The following BRINP3 variants were observed in gnomAD, a reference collection of about 807,000 sequenced individuals.
The protein encoded by BRINP3 is BMP/retinoic acid inducible neural specific 3.
In BRINP3, 19 loss-of-function variants were observed where a neutral mutation model predicts 71.0. That is an observed-to-expected ratio of 0.27 (90% confidence interval 0.19 to 0.39). The LOEUF (loss-of-function observed/expected upper bound fraction) is 0.39, where lower values mean the gene tolerates loss of function less well. Ranked by LOEUF, BRINP3 falls within the 10% of genes least tolerant of loss-of-function variation. BRINP3 has a pLI of 1.00. For synonymous variants in BRINP3, 380 were observed against 337.7 expected (o/e 1.13, Z -1.37); for missense variants, 959 against 940.8 (o/e 1.02, Z -0.25).
At chr1:190,233,325 G>A (rs1658186773) in intron 5 of BRINP3, among the ~76,000 whole-genome samples, 1 of 151,818 alleles carries the variant, frequency 6.6e-6, no homozygotes, top group South Asian at 2.1e-4. Context: ...CTGAGTAGCT[G>A]GGACTGCAGG....
intron 5 of BRINP3, 124 bp from the exon 6 acceptor site, chr1:190,226,442 T>A: frequency 1.9e-6 from 1 of 528,544 alleles, no homozygotes; most frequent in Non-Finnish European, 3.2e-6. Flanking sequence ...TTATGTATTT[T>A]TAAACTATCA....
chr1:190,150,288 G>A lies in BRINP3; in HGVS notation c.1184+10380C>T, dbSNP rs140382659. Among the ~76,000 whole-genome samples, 275 of 151,714 alleles carry A rather than the reference G, an allele frequency of 1.8e-3. 9 individuals carry two copies. The East Asian group carries it at 0.045, about 25-fold the overall frequency. ...TCTATGTGTGTGTGTGTGTGTGTGTGTACATACATAGATACATATACATGT... is the reference window on the plus strand; with the variant it reads ...TCTATGTGTGTGTGTGTGTGTGTGTATACATACATAGATACATATACATGT... On this transcript the variant is annotated intron_variant, in intron 7 of 7. Transcript: ENST00000367462.
At chr1:190,301,188 T>C (rs1311362417) in intron 2 of BRINP3, among the ~76,000 whole-genome samples, 14 of 57,486 alleles carry the variant, frequency 2.4e-4, no homozygotes, top group South Asian at 7.6e-4. Flanking sequence ...TATATATATG[T>C]ATATATATAC....
At chr1:190,118,091 C>G (rs183171665) in intron 7 of BRINP3, among the ~76,000 whole-genome samples, 1 of 151,718 alleles carries the variant, frequency 6.6e-6, no homozygotes, top group Non-Finnish European at 1.5e-5. Context: ...GCTGAATCCA[C>G]TATGTTTTAG....
At chr1:190,262,725 G>A (rs992074228) in intron 4 of BRINP3, among the ~76,000 whole-genome samples, 1 of 152,102 alleles carries the variant, frequency 6.6e-6, no homozygotes, top group Non-Finnish European at 1.5e-5. Flanking sequence ...TTCCCTCTCA[G>A]AACTGCTTAG....
chr1:190,337,043 G>A (rs778952650), intron 2 of BRINP3, among the ~76,000 whole-genome samples: 1 of 151,790 alleles, frequency 6.6e-6, no homozygotes, highest in African/African-American at 2.4e-5. Flanking sequence ...CTAACCTGAG[G>A]CATCTTGGAA....
At chr1:190,433,264 A>T (rs1388872759) in intron 2 of BRINP3, among the ~76,000 whole-genome samples, 1 of 152,206 alleles carries the variant, frequency 6.6e-6, no homozygotes, top group Non-Finnish European at 1.5e-5. Flanking sequence ...TTTAAGAAGT[A>T]TACAGATCAA....
rs552738089 is a variant in BRINP3, at chr1:190,161,047, A to T, written c.962-157T>A. On this transcript the variant is annotated intron_variant, in intron 6 of 7. Transcript: ENST00000367462. ...CCTCATTTGTGAGTAGCAAATTAAT[A>T]GAAGATGGGGTTTTTAGATGCTTTA... Among the ~76,000 whole-genome samples the T allele has an allele frequency of 4.2e-3, 633 of 152,302 alleles. 2 individuals carry two copies. Among genetic ancestry groups the T allele is most frequent in the African/African-American group, 0.015 (605 of 41,582 alleles).
chr1:190,252,075 G>T (rs1660199233), intron 4 of BRINP3, among the ~76,000 whole-genome samples: 1 of 152,004 alleles, frequency 6.6e-6, no homozygotes, highest in African/African-American at 2.4e-5. Context: ...TTTGTATATA[G>T]TTTGTAAAGA....
intron 2 of BRINP3, among the ~76,000 whole-genome samples, chr1:190,402,925 C>T (rs552661739): frequency 1.3e-5 from 2 of 152,042 alleles, no homozygotes; most frequent in Non-Finnish European, 1.5e-5. Context: ...CGGTGTTTTG[C>T]TATGTTGCCC....
chr1:190,218,995 T>C (rs1231437732), intron 6 of BRINP3, among the ~76,000 whole-genome samples: 1 of 152,140 alleles, frequency 6.6e-6, no homozygotes, highest in African/African-American at 2.4e-5. Context: ...ATAATTCCTT[T>C]GGGACCAACT....
intron 7 of BRINP3, among the ~76,000 whole-genome samples, chr1:190,101,937 G>A (rs1458728062): frequency 6.6e-6 from 1 of 152,136 alleles, no homozygotes; most frequent in African/African-American, 2.4e-5. Context: ...ATTATGGAAG[G>A]AAAGCGTTTC....
At chr1:190,446,288 G>T (rs1558294055) in intron 2 of BRINP3, among the ~76,000 whole-genome samples, 1 of 151,908 alleles carries the variant, frequency 6.6e-6, no homozygotes, top group Non-Finnish European at 1.5e-5. Flanking sequence ...AATGTGTTTT[G>T]ATGATTATTT....
At chr1:190,195,094 C>T (rs1029001789) in intron 6 of BRINP3, among the ~76,000 whole-genome samples, 6 of 151,622 alleles carry the variant, frequency 4.0e-5, no homozygotes, top group African/African-American at 1.2e-4. Flanking sequence ...CCTATGATAT[C>T]GAATGCATCA....
chr1:190,117,965 T>C (rs1325273353), intron 7 of BRINP3, among the ~76,000 whole-genome samples: 1 of 152,062 alleles, frequency 6.6e-6, no homozygotes, highest in Non-Finnish European at 1.5e-5. Flanking sequence ...ATCATTTAAC[T>C]TGTTCTTACC....
At chr1:190,250,340 G>C in intron 4 of BRINP3, among the ~76,000 whole-genome samples, 1 of 151,962 alleles carries the variant, frequency 6.6e-6, no homozygotes, top group East Asian at 1.9e-4. Flanking sequence ...TCAAATTTAA[G>C]ACGGAGAAAT....
chr1:190,419,340 T>C (rs1194725710), intron 2 of BRINP3, among the ~76,000 whole-genome samples: 1 of 152,096 alleles, frequency 6.6e-6, no homozygotes, highest in Non-Finnish European at 1.5e-5. Context: ...CTTTTTATTA[T>C]TTTGGTTCTA....
chr1:190,263,092 A>C (rs1661336402), intron 4 of BRINP3, among the ~76,000 whole-genome samples: 1 of 152,198 alleles, frequency 6.6e-6, no homozygotes, highest in Non-Finnish European at 1.5e-5. Context: ...AAAAATCAAT[A>C]GCTATATAAT....
At chr1:190,142,077 T>C (rs922502024) in intron 7 of BRINP3, among the ~76,000 whole-genome samples, 5 of 152,158 alleles carry the variant, frequency 3.3e-5, no homozygotes, top group Non-Finnish European at 5.9e-5. Context: ...CAAGTTGTGA[T>C]TGGCAAAAAT....
Sources: allele counts gnomAD v4.1 joint callset (sites outside exome capture counted in the v4.1 genomes callset), GRCh38; gene constraint gnomAD v4.1.1; transcripts MANE v1.5; gene names NCBI Gene and HGNC (gene_info 2026-07-23, HGNC 2026-07-21).